TNR: variants seen among roughly 807,000 people sequenced by gnomAD.
TNR encodes tenascin R.
Under a neutral mutation model 150.4 loss-of-function variants are expected in TNR, and 45 were observed. That is an observed-to-expected ratio of 0.30 (90% CI 0.24 to 0.38). TNR has a LOEUF of 0.38. TNR is among the 10% of genes least tolerant of loss of function. The probability of loss-of-function intolerance (pLI) is 1.00; values close to 1 mark genes in which losing one functional copy is unlikely to be tolerated. For missense variants in TNR, 1,544 were observed against 1,759.1 expected, an observed-to-expected ratio of 0.88 and a Z score of 2.19; for synonymous variants, 687 against 678.4, an observed-to-expected ratio of 1.01 and a Z score of -0.20.
chr1:175,742,507 C>T (rs2101964143), intron 1 of TNR, among the ~76,000 whole-genome samples: 1 of 152,248 alleles, frequency 6.6e-6, no homozygotes, highest in South Asian at 2.1e-4. Context: ...TAACCCACAC[C>T]AGCCAGTCTC....
chr1:175,407,843 G>A (rs909201505), intron 2 of TNR, among the ~76,000 whole-genome samples: 2 of 152,164 alleles, frequency 1.3e-5, no homozygotes, highest in African/African-American at 4.8e-5. Context: ...TTGAATGCAG[G>A]TCTGACTCCA....
intron 8 of TNR, 106 bp from the exon 9 acceptor site, chr1:175,379,843 A>G: frequency 7.8e-7 from 1 of 1,276,670 alleles, no homozygotes; most frequent in Non-Finnish European, 1.1e-6. Flanking sequence ...ACACCCCCTG[A>G]CCCTCTGGCT....
intron 1 of TNR, among the ~76,000 whole-genome samples, chr1:175,681,024 C>G (rs1384791927): frequency 6.6e-6 from 1 of 152,124 alleles, no homozygotes; most frequent in East Asian, 1.9e-4. Context: ...ATGAAAGCAC[C>G]TAGAGCAGTG....
chr1:175,412,589 C>T (rs1654258572), intron 2 of TNR, among the ~76,000 whole-genome samples: 1 of 152,024 alleles, frequency 6.6e-6, no homozygotes, highest in Admixed American at 6.6e-5. Flanking sequence ...TTACAGAAAC[C>T]CATGGCCTTT....
chr1:175,340,281 G>T (rs1469316154), intron 18 of TNR, among the ~76,000 whole-genome samples: 3 of 152,246 alleles, frequency 2.0e-5, no homozygotes, highest in African/African-American at 7.2e-5. Context: ...TGCTGGGTGC[G>T]CTTGCCTTCC....
At chr1:175,565,490 G>A (rs570522306) in intron 1 of TNR, among the ~76,000 whole-genome samples, 15 of 152,328 alleles carry the variant, frequency 9.8e-5, no homozygotes, top group African/African-American at 2.9e-4. Context: ...GCAATTCCAC[G>A]TAAGGAAGTT....
chr1:175,664,452 T>C (rs1293748003), intron 1 of TNR, among the ~76,000 whole-genome samples: 1 of 152,136 alleles, frequency 6.6e-6, no homozygotes, highest in African/African-American at 2.4e-5. Context: ...ACTGCTCTGA[T>C]AGCTGGTTGA....
intron 2 of TNR, among the ~76,000 whole-genome samples, chr1:175,407,106 C>G (rs1654000885): frequency 6.6e-6 from 1 of 152,184 alleles, no homozygotes; most frequent in Non-Finnish European, 1.5e-5. Flanking sequence ...GGCTGTTCCT[C>G]TGAGGAGAAC....
intron 2 of TNR, among the ~76,000 whole-genome samples, chr1:175,516,209 A>C (rs1659399796): frequency 6.6e-6 from 1 of 152,210 alleles, no homozygotes; most frequent in Non-Finnish European, 1.5e-5. Context: ...GCCTGAAATG[A>C]TTAACATAAG....
intron 2 of TNR, among the ~76,000 whole-genome samples, chr1:175,503,113 A>G (rs891423365): frequency 2.0e-5 from 3 of 152,160 alleles, no homozygotes; most frequent in Admixed American, 6.5e-5. Context: ...ACAGGTCCAT[A>G]TGAACAGCCA....
intron 1 of TNR, among the ~76,000 whole-genome samples, chr1:175,565,584 T>C (rs188048035): frequency 7.2e-4 from 110 of 152,294 alleles, no homozygotes; most frequent in African/African-American, 2.5e-3. Context: ...CACTTATACA[T>C]TGTTGGCATA....
chr1:175,670,508 C>A (rs556761501), intron 1 of TNR, among the ~76,000 whole-genome samples: 6 of 152,312 alleles, frequency 3.9e-5, no homozygotes, highest in African/African-American at 1.4e-4. Flanking sequence ...ATTGCTTGTA[C>A]ATTTACTTAT....
intron 2 of TNR, among the ~76,000 whole-genome samples, chr1:175,504,652 C>T (rs986978179): frequency 1.3e-5 from 2 of 152,172 alleles, no homozygotes; most frequent in African/African-American, 4.8e-5. Context: ...GTGAGTCCTG[C>T]TGCTCCCTCA....
chr1:175,398,796 T>C (rs1653560770), intron 4 of TNR, among the ~76,000 whole-genome samples: 1 of 152,252 alleles, frequency 6.6e-6, no homozygotes, highest in Admixed American at 6.5e-5. Context: ...TACATTTATA[T>C]AGCATTTCAC....
chr1:175,443,923 C>G (rs1485877105), intron 2 of TNR, among the ~76,000 whole-genome samples: 1 of 152,140 alleles, frequency 6.6e-6, no homozygotes. Flanking sequence ...GGTAGAAGAT[C>G]TGCAGAGGAA....
intron 2 of TNR, among the ~76,000 whole-genome samples, chr1:175,525,634 C>T (rs761491057): frequency 7.9e-5 from 12 of 152,210 alleles, no homozygotes; most frequent in Non-Finnish European, 5.9e-5. Context: ...GCCCAAGCCC[C>T]GGGTGCCCTC....
intron 20 of TNR, among the ~76,000 whole-genome samples, chr1:175,331,009 CT>C (rs1209704454): frequency 1.2e-3 from 58 of 48,718 alleles, no homozygotes; most frequent in African/African-American, 4.2e-3. Context: ...TTCTTTCTTT[CT>C]TTCTTTCTTT....
At chr1:175,474,986 G>C (rs1269194509) in intron 2 of TNR, among the ~76,000 whole-genome samples, 1 of 152,188 alleles carries the variant, frequency 6.6e-6, no homozygotes, top group Non-Finnish European at 1.5e-5. Context: ...CAGGCATAGA[G>C]AGAATGTTCT....
chr1:175,415,057 C>G (rs995412441), intron 2 of TNR, among the ~76,000 whole-genome samples: 2 of 151,494 alleles, frequency 1.3e-5, no homozygotes, highest in Non-Finnish European at 2.9e-5. Flanking sequence ...GATTTTCCAG[C>G]TTCTGCCATT....
Sources: gnomAD v4.1 joint callset for allele counts (sites outside exome capture counted in the v4.1 genomes callset) on GRCh38, gnomAD v4.1.1 for gene constraint, MANE v1.5 for transcripts, NCBI Gene and HGNC (gene_info 2026-07-23, HGNC 2026-07-21) for gene names.